EEF1D: variants seen among roughly 807,000 people sequenced by gnomAD.
EEF1D encodes the protein eukaryotic translation elongation factor 1 delta.
Under a neutral mutation model 63.9 loss-of-function variants are expected in EEF1D, and 47 were observed. The ratio of observed to expected loss-of-function variants is 0.74; its 90% confidence interval spans 0.58 to 0.94. The LOEUF is 0.94. EEF1D is among the 40% of genes least tolerant of loss of function. The pLI, the probability that EEF1D is intolerant of heterozygous loss-of-function variation, is 0.00. For missense variants in EEF1D, 907 were observed against 899.0 expected (o/e 1.01, Z -0.11); for synonymous variants, 412 against 386.1 (o/e 1.07, Z -0.79).
At chr8:143,595,827 C>G (rs1049398036) in intron 1 of EEF1D, among the ~76,000 whole-genome samples, 2 of 152,226 alleles carry the variant, frequency 1.3e-5, no homozygotes, top group African/African-American at 4.8e-5. Context: ...CAGACAATAC[C>G]CACGCCACAC....
In EEF1D at chr8:143,581,048, A is replaced by C; in HGVS notation, c.1488+6T>G. On this transcript the variant is annotated splice_donor_region_variant and intron_variant, in intron 7 of 9. Transcript: ENST00000618139. ...CTGCAGTGTCAGGCGTGGGGAGAGC[A>C]TTCACCTGGGTCTGTGGGGCCGTGG... is the stretch of plus-strand genomic sequence containing the variant. The C allele has an allele frequency of 6.2e-7, 1 of 1,611,284 alleles. No individual in the cohort carries two copies. Among genetic ancestry groups the C allele is most frequent in the Non-Finnish European group, 8.5e-7 (1 of 1,179,776 alleles).
At position 143,589,441 on chromosome 8, in the gene EEF1D, G is replaced by A. The variant is rs2131124896; in HGVS notation, c.641C>T (p.Pro214Leu). 6.5e-7 allele frequency: 1 copy of A among 1,529,130 alleles called. No individual in the cohort carries two copies. Among genetic ancestry groups the A allele is most frequent in the Non-Finnish European group, 8.8e-7 (1 of 1,133,166 alleles). The allele number at this position is 1,529,130 out of a possible 1,614,324, so 94.7% of individuals were successfully genotyped here. A position where few individuals can be genotyped will look rare whatever the true frequency, so the allele number is the denominator to read the frequency against. The change falls in exon 3 of 10, where the codon CCA (proline) becomes CTA (leucine). Residue 214 changes from proline (P) to leucine (L), a missense_variant. Pro to Leu is a moderately conservative substitution (Grantham distance 98, BLOSUM62 -3). Coordinates refer to ENST00000618139, the MANE Select transcript of EEF1D (RefSeq NM_001130053.5). ...CAGCGGGGGCTGGCCATTGACCGGTGGGCTGGGCTGGTGGGCCAGGTCGGG... is the reference window on the plus strand; with the variant it reads ...CAGCGGGGGCTGGCCATTGACCGGTAGGCTGGGCTGGTGGGCCAGGTCGGG... ...AVPDLAHQPS[P>L]PVNGQPPLGS...
chr8:143,596,188 G>A (rs1055803351), intron 1 of EEF1D: 1 of 152,628 alleles, frequency 6.6e-6, no homozygotes, highest in Admixed American at 6.5e-5. Context: ...CTGTCGGCTG[G>A]GCGCTCACTC....
chr8:143,579,839 A>G lies in EEF1D; in HGVS notation c.1906-9T>C. On this transcript the variant is annotated splice_polypyrimidine_tract_variant and intron_variant, in intron 9 of 9. Coordinates refer to ENST00000618139, the MANE Select transcript of EEF1D (RefSeq NM_001130053.5). ...ATATCGACACTCTGCACCTGAGGAG[A>G]GGCGGAGGGTGACGGTCAGGGCTGT... 1.3e-6 allele frequency: 2 copies of G among 1,556,836 alleles called. No individual in the cohort carries two copies. The highest frequency in any genetic ancestry group is 1.7e-6 in the Non-Finnish European group (2 of 1,148,914).
In EEF1D at chr8:143,589,231, A is replaced by C. The variant is rs1377968459; in HGVS notation, c.851T>G (p.Leu284Ter). Residue 284 changes from leucine to a stop codon, truncating the protein, a stop_gained, in exon 3 of 10, where the codon TTA (leucine) becomes TGA (stop). Coordinates refer to ENST00000618139, the MANE Select transcript of EEF1D (RefSeq NM_001130053.5). LOFTEE classifies it high-confidence loss of function. ...TCGCAGCCCGGCCCGCTTGTTCCCT[A>C]AGATGTTGCGGCCCCGCCGGTCTCT... ...GRRDRRGRNILGNKRAGLRRA... is the reference protein window; with the variant it reads ...GRRDRRGRNI 6.4e-7 allele frequency: 1 copy of C among 1,574,786 alleles called. No homozygotes were observed. Among genetic ancestry groups the C allele is most frequent in the East Asian group, 2.3e-5 (1 of 43,296 alleles).
Position 143,586,661 on chromosome 8 carries a change from G to A in EEF1D, c.1215+68C>T, listed in dbSNP as rs567473593. 76 of 1,580,728 alleles carry A rather than the reference G, an allele frequency of 4.8e-5. No individual in the cohort carries two copies. In the Admixed American group the frequency reaches 1.2e-3, roughly 26 times the overall value. On this transcript the variant is annotated intron_variant, in intron 4 of 9. Coordinates refer to ENST00000618139, the MANE Select transcript of EEF1D (RefSeq NM_001130053.5). ...CTGCCTTCCTGGCCTGGCTGAATCC[G>A]CTTTGTGTGCCCCGGCCACTCCTGT...
intron 9 of EEF1D, 86 bp from the exon 10 acceptor site, chr8:143,579,916 C>G (rs1824988978): frequency 6.5e-7 from 1 of 1,550,150 alleles, no homozygotes; most frequent in Non-Finnish European, 8.7e-7. Context: ...GGGGTTCACT[C>G]TGGGACTCGC....
At chr8:143,588,675 C>A (rs1179487449) in intron 3 of EEF1D, among the ~76,000 whole-genome samples, 1 of 152,226 alleles carries the variant, frequency 6.6e-6, no homozygotes, top group Non-Finnish European at 1.5e-5. Context: ...CATGTGACAG[C>A]CACAGGGGAC....
intron 3 of EEF1D, 132 bp from the exon 4 acceptor site, chr8:143,586,984 A>C: frequency 8.2e-7 from 1 of 1,224,018 alleles, no homozygotes; most frequent in South Asian, 1.4e-5. Context: ...AAGCGACACC[A>C]AGCCCGTAAG....
chr8:143,586,317 CTTTTT>C (rs766031138), intron 4 of EEF1D, 27 bp from the exon 5 acceptor site: 1 of 1,500,970 alleles, frequency 6.7e-7, no homozygotes, highest in East Asian at 2.5e-5. Flanking sequence ...AAGAACCAGT[CTTTTT>C]TTTATTATTA....
In EEF1D at chr8:143,580,807, T is replaced by A. The variant is rs1000621666; in HGVS notation, c.1489-80A>T. The A allele has an allele frequency of 1.5e-5, 22 of 1,497,792 alleles. No individual in the cohort carries two copies. The Admixed American group carries it at 3.0e-4, about 21-fold the overall frequency. 92.8% of individuals were successfully genotyped at this position (1,497,792 alleles called of 1,614,324 possible). On this transcript the variant is annotated intron_variant, in intron 7 of 9. Coordinates refer to ENST00000618139, the MANE Select transcript of EEF1D (RefSeq NM_001130053.5). ...GAGCTGCCTGGCCACCTCCTGGCCC[T>A]CCTCCCTCCTTTGACTGGAGGAAGG...
intron 4 of EEF1D, 95 bp from the exon 5 acceptor site, chr8:143,586,385 G>C: frequency 2.6e-6 from 3 of 1,171,020 alleles, no homozygotes; most frequent in Non-Finnish European, 3.5e-6. Context: ...CCCTCACATA[G>C]AGACAGCAAG....
In EEF1D at chr8:143,586,724, C is replaced by T; in HGVS notation, c.1215+5G>A. ...CCGCCCAGCCGCCCCACGTGCAGCTCTCACCTGGCGGGAGGCACCTGCCAC... is the reference window on the plus strand; with the variant it reads ...CCGCCCAGCCGCCCCACGTGCAGCTTTCACCTGGCGGGAGGCACCTGCCAC... On this transcript the variant is annotated splice_donor_5th_base_variant and intron_variant, in intron 4 of 9. Coordinates refer to ENST00000618139, the MANE Select transcript of EEF1D (RefSeq NM_001130053.5). The T allele has an allele frequency of 6.2e-7, 1 of 1,612,784 alleles. No individual in the cohort carries two copies. The highest frequency in any genetic ancestry group is 8.5e-7 in the Non-Finnish European group (1 of 1,179,920).
rs201754623 is a variant in EEF1D at position 143,586,771 on chromosome 8, G to A, written c.1173C>T (p.Phe391=). ...CCACAGGCCCGTTCATCTGCTCGTA[G>A]AATCTCCTTTCTGCGTCGTCATATT... The part of the protein sequence containing the change: ...KFKYDDAERR[F]YEQMNGPVAG... Residue 391 remains phenylalanine (F), a synonymous_variant, in exon 4 of 10, where the codon TTC becomes TTT. Coordinates refer to ENST00000618139, the MANE Select transcript of EEF1D (RefSeq NM_001130053.5). 3.1e-6 allele frequency: 5 copies of A among 1,614,170 alleles called. No individual in the cohort carries two copies. The African/African-American group carries it at 5.3e-5, about 17-fold the overall frequency.
intron 2 of EEF1D, chr8:143,590,547 G>C (rs1184782276): frequency 7.9e-6 from 9 of 1,141,068 alleles, no homozygotes; most frequent in Non-Finnish European, 9.7e-6. Flanking sequence ...TCTACAGAAC[G>C]GTCTCTGTGG....
intron 5 of EEF1D, among the ~76,000 whole-genome samples, chr8:143,584,948 T>C (rs2130926849): frequency 6.6e-6 from 1 of 152,256 alleles, no homozygotes; most frequent in Non-Finnish European, 1.5e-5. Flanking sequence ...GTTTCACTGG[T>C]CCACAGATGG....
At position 143,581,106 on chromosome 8, in the gene EEF1D, T is replaced by G. The variant is rs761334657; in HGVS notation, c.1436A>C (p.Asn479Thr). 2.0e-5 allele frequency: 32 copies of G among 1,612,722 alleles called. No individual in the cohort carries two copies. The Admixed American group carries it at 4.8e-4, about 24-fold the overall frequency. The change falls in exon 7 of 10, where the codon AAC becomes ACC. Residue 479 changes from asparagine (N) to threonine (T), a missense_variant. Physicochemically the swap from Asn to Thr is moderately conservative, Grantham distance 65. Transcript: ENST00000618139. Reference protein sequence around the residue: ...QAISKLEARLNVLEKSSPGHR... With the variant: ...QAISKLEARLTVLEKSSPGHR... ...GCCAGGCGAGCTCTTCTCCAGCACG[T>G]TCAGCCGGGCCTCCAGCTTGGAGAT...
intron 3 of EEF1D, chr8:143,587,070 G>C (rs76988625): frequency 1.9e-6 from 1 of 514,590 alleles, no homozygotes; most frequent in East Asian, 3.7e-5. Context: ...GAACCTCTGA[G>C]GGTCCCCAGG....
At position 143,581,996 on chromosome 8, in the gene EEF1D, C is replaced by T. The variant is rs954095383; in HGVS notation, c.1288-668G>A. The T allele has an allele frequency of 3.9e-5, 6 of 152,360 alleles. 1 individual carries two copies. Among genetic ancestry groups the T allele is most frequent in the Admixed American group, 3.9e-4 (6 of 15,290 alleles). The allele number at this position is 152,360 out of a possible 1,614,324, so 9.4% of individuals were successfully genotyped here. A position where few individuals can be genotyped will look rare whatever the true frequency, so the allele number is the denominator to read the frequency against. On this transcript the variant is annotated intron_variant, in intron 5 of 9. Coordinates refer to ENST00000618139, the MANE Select transcript of EEF1D (RefSeq NM_001130053.5). ...TGGGCCATTTAGCCTGCCCACCCTC[C>T]AACAGGATGGCTCGAAGGACAGGGT...
Sources: allele counts gnomAD v4.1 joint callset (sites outside exome capture counted in the v4.1 genomes callset), GRCh38; gene constraint gnomAD v4.1.1; transcripts MANE v1.5; gene names NCBI Gene and HGNC (gene_info 2026-07-23, HGNC 2026-07-21).